Variants in NFIB observed in about 807,000 individuals in gnomAD.
The protein encoded by NFIB is nuclear factor I B.
Under a neutral mutation model 61.5 loss-of-function variants are expected in NFIB, and 11 were observed. The observed-to-expected ratio is 0.18, with a 90% CI of 0.11 to 0.30. NFIB has a LOEUF of 0.30. NFIB is among the 10% of genes least tolerant of loss of function. NFIB has a pLI of 1.00. For synonymous variants in NFIB, 260 were observed against 216.5 expected (o/e 1.20, Z -1.76); for missense variants, 471 against 608.9 (o/e 0.77, Z 2.38).
rs543369101 is a variant in NFIB at position 14,370,297 on chromosome 9, T to C, written c.108+28227A>G. Among the ~76,000 whole-genome samples the C allele has an allele frequency of 5.9e-5, 9 of 152,342 alleles. No individual in the cohort carries two copies. In the South Asian group the frequency reaches 1.9e-3, roughly 32 times the overall value. ...CAATATTTTTATCAAAGTTAGTTAT[T>C]TGTATATTAATGGTCTATGGAGCCA... On this transcript the variant is annotated intron_variant, in intron 1 of 8. Transcript: ENST00000380934.
chr9:14,491,870 T>A, the NFIB span, among the ~76,000 whole-genome samples: 1 of 152,154 alleles, frequency 6.6e-6, no homozygotes, highest in Admixed American at 6.5e-5. Context: ...AAGGGATAAA[T>A]ATAATCTGAA....
intron 2 of NFIB, among the ~76,000 whole-genome samples, chr9:14,279,714 C>G (rs2058243448): frequency 6.6e-6 from 1 of 152,196 alleles, no homozygotes; most frequent in Admixed American, 6.5e-5. Context: ...CTTTCACACT[C>G]TTCATCTCTG....
the NFIB span, among the ~76,000 whole-genome samples, chr9:14,405,458 A>T: frequency 2.6e-5 from 4 of 152,202 alleles, no homozygotes; most frequent in African/African-American, 9.6e-5. Context: ...AGGGAAACTG[A>T]CTTTGGAGGC....
chr9:14,185,685 G>A (rs1380014171), intron 2 of NFIB, among the ~76,000 whole-genome samples: 1 of 152,132 alleles, frequency 6.6e-6, no homozygotes, highest in Non-Finnish European at 1.5e-5. Context: ...AAGTGCACAA[G>A]AAAGAAAGAC....
chr9:14,528,942 C>G, the NFIB span, among the ~76,000 whole-genome samples: 3 of 152,092 alleles, frequency 2.0e-5, no homozygotes, highest in Non-Finnish European at 2.9e-5. Context: ...CAACAGAACT[C>G]TAAATATAGC....
intron 2 of NFIB, among the ~76,000 whole-genome samples, chr9:14,197,731 T>A (rs757330839): frequency 6.6e-6 from 1 of 152,192 alleles, no homozygotes; most frequent in Non-Finnish European, 1.5e-5. Flanking sequence ...CTTAGCTGTG[T>A]CAGAAAGTCA....
the NFIB span, among the ~76,000 whole-genome samples, chr9:14,483,986 T>A: frequency 6.6e-6 from 1 of 152,196 alleles, no homozygotes; most frequent in Non-Finnish European, 1.5e-5. Flanking sequence ...TTGAATTATA[T>A]TTCACACCAA....
chr9:14,324,010 C>T (rs943972261), intron 1 of NFIB, among the ~76,000 whole-genome samples: 2 of 152,208 alleles, frequency 1.3e-5, no homozygotes, highest in African/African-American at 2.4e-5. Flanking sequence ...AATTTCTCCT[C>T]CAAAAAAATT....
the NFIB span, among the ~76,000 whole-genome samples, chr9:14,502,789 T>C: frequency 2.6e-5 from 4 of 152,176 alleles, no homozygotes; most frequent in African/African-American, 9.7e-5. Context: ...GTTACATGAA[T>C]AAGTTCTTTA....
chr9:14,485,954 C>A, the NFIB span, among the ~76,000 whole-genome samples: 1 of 152,038 alleles, frequency 6.6e-6, no homozygotes, highest in Non-Finnish European at 1.5e-5. Context: ...GGAAATGGGA[C>A]ATATAGACAA....
intron 1 of NFIB, among the ~76,000 whole-genome samples, chr9:14,333,937 G>C (rs1220342548): frequency 1.3e-5 from 2 of 152,124 alleles, no homozygotes; most frequent in Non-Finnish European, 2.9e-5. Context: ...GTACTGCCTG[G>C]TTTTGAACTT....
the NFIB span, among the ~76,000 whole-genome samples, chr9:14,476,710 ACAAC>A: frequency 6.6e-6 from 1 of 152,222 alleles, no homozygotes; most frequent in Non-Finnish European, 1.5e-5. Context: ...AAAAAAACCA[ACAAC>A]CAACCAAAAG....
At chr9:14,295,353 CG>C (rs1363078016) in intron 2 of NFIB, among the ~76,000 whole-genome samples, 1 of 152,072 alleles carries the variant, frequency 6.6e-6, no homozygotes, top group Non-Finnish European at 1.5e-5. Flanking sequence ...TGGCCGGGCG[CG>C]GTGGCTCATG....
chr9:14,226,651 T>G (rs1164812608), intron 2 of NFIB, among the ~76,000 whole-genome samples: 1 of 152,032 alleles, frequency 6.6e-6, no homozygotes, highest in Non-Finnish European at 1.5e-5. Context: ...TTAGTCCAGA[T>G]AATTGCTAAT....
At chr9:14,418,286 G>T in the NFIB span, among the ~76,000 whole-genome samples, 1 of 152,058 alleles carries the variant, frequency 6.6e-6, no homozygotes, top group Non-Finnish European at 1.5e-5. Context: ...GCATCTCACA[G>T]CCCCCTGGCT....
In NFIB at chr9:14,197,764, G is replaced by A. The variant is rs555973092; in HGVS notation, c.563-17984C>T. On this transcript the variant is annotated intron_variant, in intron 2 of 10. Transcript: ENST00000380953. ...TCAGAGGTGTCCCTGAGGCTGCAGC[G>A]CTTTAGCAAATTTTGGAAATAACTT... is the stretch of plus-strand genomic sequence containing the variant. 7.2e-5 allele frequency among the ~76,000 whole-genome samples: 11 copies of A among 152,206 alleles called. No homozygotes were observed. The East Asian group carries it at 1.4e-3, about 19-fold the overall frequency.
intron 2 of NFIB, among the ~76,000 whole-genome samples, chr9:14,268,711 G>C (rs2057393203): frequency 6.6e-6 from 1 of 152,162 alleles, no homozygotes; most frequent in African/African-American, 2.4e-5. Context: ...TAGGTGCTTA[G>C]TTTTATGTTT....
the NFIB span, among the ~76,000 whole-genome samples, chr9:14,466,033 C>T: frequency 3.3e-5 from 5 of 152,130 alleles, no homozygotes; most frequent in East Asian, 9.7e-4. Context: ...AGTCGAGTCA[C>T]CAGCTGTATT....
chr9:14,190,262 A>G (rs1359067415), intron 2 of NFIB, among the ~76,000 whole-genome samples: 2 of 152,138 alleles, frequency 1.3e-5, no homozygotes, highest in Non-Finnish European at 2.9e-5. Flanking sequence ...TACTATATTC[A>G]TATAAAAATA....
Sources: allele counts gnomAD v4.1 joint callset (sites outside exome capture counted in the v4.1 genomes callset), GRCh38; gene constraint gnomAD v4.1.1; transcripts MANE v1.5; gene names NCBI Gene and HGNC (gene_info 2026-07-23, HGNC 2026-07-21).